Variants in PDE10A observed in about 807,000 individuals in gnomAD.
The protein encoded by PDE10A is phosphodiesterase 10A.
Under a neutral mutation model 97.7 loss-of-function variants are expected in PDE10A, and 39 were observed. The ratio of observed to expected loss-of-function variants is 0.40; its 90% confidence interval spans 0.31 to 0.52. PDE10A has a LOEUF of 0.52. Among genes scored for constraint, PDE10A ranks in the 20% least tolerant of loss-of-function variants. The pLI is 0.56. For synonymous variants in PDE10A, 371 were observed against 376.8 expected (o/e 0.98, Z 0.18); for missense variants, 731 against 1,047.8 (o/e 0.70, Z 4.17).
intron 1 of PDE10A, among the ~76,000 whole-genome samples, chr6:165,554,525 G>T (rs774747410): frequency 7.9e-5 from 12 of 152,226 alleles, no homozygotes; most frequent in South Asian, 2.1e-4. Context: ...AAATACTGGC[G>T]AGGATGTAGA....
intron 1 of PDE10A, among the ~76,000 whole-genome samples, chr6:165,811,197 T>G (rs1467528413): frequency 6.6e-6 from 1 of 152,172 alleles, no homozygotes; most frequent in East Asian, 1.9e-4. Flanking sequence ...CACTCCAGCC[T>G]GGGTGACAAA....
intron 1 of PDE10A, among the ~76,000 whole-genome samples, chr6:165,953,934 G>A (rs1055142117): frequency 1.3e-5 from 2 of 151,984 alleles, no homozygotes; most frequent in Non-Finnish European, 2.9e-5. Context: ...CCATCCTCCC[G>A]AGCCCCGGCA....
intron 16 of PDE10A, 117 bp downstream of exon 16, chr6:165,392,529 A>T: frequency 2.1e-6 from 2 of 944,700 alleles, no homozygotes; most frequent in Non-Finnish European, 3.2e-6. Context: ...TTGATTTATT[A>T]AGCCAAAATT....
At position 165,330,058 on chromosome 6, in the gene PDE10A, G is replaced by A. The variant is rs1781253736; in HGVS notation, c.*2967C>T. The A allele has an allele frequency of 6.6e-6, 1 of 152,030 alleles. No individual in the cohort carries two copies. The highest frequency in any genetic ancestry group is 2.4e-5 in the African/African-American group (1 of 41,406). 9.4% of individuals were successfully genotyped at this position (152,030 alleles called of 1,614,324 possible). On this transcript the variant is annotated 3_prime_UTR_variant, in exon 22 of 22. Transcript: ENST00000539869. Reference sequence around the variant, plus strand: ...ATTGGCAGGCATTTATGTTTCCAAGGACATTTTTAGCTAAAAAACATATTC... The same window carrying A: ...ATTGGCAGGCATTTATGTTTCCAAGAACATTTTTAGCTAAAAAACATATTC...
intron 1 of PDE10A, among the ~76,000 whole-genome samples, chr6:165,846,485 G>C (rs1452751590): frequency 1.3e-5 from 2 of 152,236 alleles, no homozygotes; most frequent in Non-Finnish European, 1.5e-5. Context: ...GTGAGCCTCA[G>C]GCCAGGGGCC....
At chr6:165,400,336 A>G (rs1484669042) in intron 13 of PDE10A, among the ~76,000 whole-genome samples, 7 of 152,194 alleles carry the variant, frequency 4.6e-5, no homozygotes. Context: ...TAAATTGATC[A>G]ACTGGACTTC....
intron 18 of PDE10A, among the ~76,000 whole-genome samples, chr6:165,364,800 A>G (rs1475620748): frequency 6.6e-6 from 1 of 152,188 alleles, no homozygotes; most frequent in Non-Finnish European, 1.5e-5. Flanking sequence ...GGAACAAAAT[A>G]AAAAATAAAA....
At chr6:165,918,696 A>T (rs1782672404) in intron 1 of PDE10A, among the ~76,000 whole-genome samples, 1 of 152,150 alleles carries the variant, frequency 6.6e-6, no homozygotes, top group Non-Finnish European at 1.5e-5. Flanking sequence ...ATGTTTTCAG[A>T]TATTAGAAAT....
chr6:165,544,736 C>A (rs925929323), intron 1 of PDE10A, among the ~76,000 whole-genome samples: 4 of 151,982 alleles, frequency 2.6e-5, no homozygotes, highest in Non-Finnish European at 5.9e-5. Context: ...AAAGTCACAA[C>A]TGTTGGGATT....
chr6:165,687,160 T>A (rs777011498), intron 1 of PDE10A, among the ~76,000 whole-genome samples: 6 of 152,144 alleles, frequency 3.9e-5, no homozygotes, highest in Non-Finnish European at 7.4e-5. Context: ...ACACCCCCAC[T>A]GCGCTCTGGC....
At chr6:165,494,146 A>G (rs937066401) in intron 2 of PDE10A, among the ~76,000 whole-genome samples, 3 of 152,174 alleles carry the variant, frequency 2.0e-5, no homozygotes, top group African/African-American at 7.2e-5. Flanking sequence ...AAGAATGGCC[A>G]TAACAAAAAA....
At position 165,643,046 on chromosome 6, in the gene PDE10A, C is replaced by T. The variant is rs1789216260; in HGVS notation, c.865+18901G>A. Among the ~76,000 whole-genome samples the T allele has an allele frequency of 3.3e-5, 5 of 152,318 alleles. No homozygotes were observed. In the South Asian group the frequency reaches 1.0e-3, roughly 32 times the overall value. ...CATTCTCCAGTGGCAAGTCAAATAG[C>T]TCAATCAGACCTAATTTCTGTCTGA... On this transcript the variant is annotated intron_variant, in intron 1 of 21. Transcript: ENST00000539869.
At chr6:165,949,327 T>C (rs1400056457) in intron 1 of PDE10A, 2 of 152,210 alleles carry the variant, frequency 1.3e-5, no homozygotes, top group Non-Finnish European at 2.9e-5. Flanking sequence ...CTCTCTTGAG[T>C]CTTAGTGCAC....
intron 1 of PDE10A, among the ~76,000 whole-genome samples, chr6:165,690,017 T>G (rs80085548): frequency 0.034 from 5,169 of 152,286 alleles, 299 homozygotes; most frequent in African/African-American, 0.12. Flanking sequence ...TTAATGCAAT[T>G]TATGATTTAC....
At chr6:165,840,212 C>T (rs1468081094) in intron 1 of PDE10A, among the ~76,000 whole-genome samples, 1 of 152,068 alleles carries the variant, frequency 6.6e-6, no homozygotes, top group Non-Finnish European at 1.5e-5. Context: ...TCCCCACCTC[C>T]ACCCTTATCT....
intron 19 of PDE10A, among the ~76,000 whole-genome samples, chr6:165,341,747 C>T (rs1781983635): frequency 6.6e-6 from 1 of 152,160 alleles, no homozygotes; most frequent in African/African-American, 2.4e-5. Context: ...TAGTGTAACT[C>T]TGTATAGGTG....
intron 1 of PDE10A, among the ~76,000 whole-genome samples, chr6:165,544,014 A>G (rs949731451): frequency 6.6e-6 from 1 of 152,138 alleles, no homozygotes; most frequent in Non-Finnish European, 1.5e-5. Context: ...GCCAAGAACC[A>G]ATGCTGTACA....
intron 21 of PDE10A, among the ~76,000 whole-genome samples, chr6:165,335,632 G>A (rs1230549095): frequency 2.0e-5 from 3 of 152,012 alleles, no homozygotes; most frequent in African/African-American, 7.2e-5. Flanking sequence ...GGACCTCCAG[G>A]GACAAGGTCC....
At chr6:165,877,674 AT>A (rs1562778624) in intron 1 of PDE10A, among the ~76,000 whole-genome samples, 1 of 152,200 alleles carries the variant, frequency 6.6e-6, no homozygotes, top group African/African-American at 2.4e-5. Context: ...ACTTAAAAAA[AT>A]CTTATCTTAA....
Sources: allele counts gnomAD v4.1 joint callset (sites outside exome capture counted in the v4.1 genomes callset), GRCh38; gene constraint gnomAD v4.1.1; transcripts MANE v1.5; gene names NCBI Gene and HGNC (gene_info 2026-07-23, HGNC 2026-07-21).